The following VWA2 variants were observed in gnomAD, a reference collection of about 807,000 sequenced individuals.
VWA2 encodes the protein von Willebrand factor A domain containing 2, also known as von Willebrand factor A domain-containing protein 2.
A neutral mutation model predicts 70.4 loss-of-function variants in VWA2; 73 were observed. The observed-to-expected ratio is 1.04, with a 90% CI of 0.86 to 1.26. VWA2 has a LOEUF of 1.26. Ranked by LOEUF, VWA2 falls within the 50% of genes most tolerant of loss-of-function variation. The probability of loss-of-function intolerance (pLI) is 0.00; values close to 1 mark genes in which losing one functional copy is unlikely to be tolerated. For missense variants in VWA2, 1,011 were observed against 998.5 expected, an observed-to-expected ratio of 1.01 and a Z score of -0.17; for synonymous variants, 407 against 423.3, an observed-to-expected ratio of 0.96 and a Z score of 0.47.
intron 6 of VWA2, 52 bp downstream of exon 6, chr10:114,272,986 C>A: frequency 6.6e-7 from 1 of 1,505,268 alleles, no homozygotes; most frequent in South Asian, 1.3e-5. Flanking sequence ...GCCTGGGGAT[C>A]GTGACATGGC....
intron 11 of VWA2, 27 bp from the exon 12 acceptor site, chr10:114,288,911 C>T (rs770449464): frequency 6.3e-7 from 1 of 1,578,676 alleles, no homozygotes; most frequent in South Asian, 1.2e-5. Context: ...ACATCCACTG[C>T]TGAAGCCCCT....
At chr10:114,254,825 CCCA>C in intron 3 of VWA2, 87 bp from the exon 4 acceptor site, 1 of 1,538,212 alleles carries the variant, frequency 6.5e-7, no homozygotes, top group Non-Finnish European at 8.8e-7. Context: ...AGCAGCCTGG[CCCA>C]CCACAAGGCT....
chr10:114,266,834 C>G (rs114836130), intron 5 of VWA2, among the ~76,000 whole-genome samples: 1 of 152,196 alleles, frequency 6.6e-6, no homozygotes, highest in Non-Finnish European at 1.5e-5. Flanking sequence ...TCCCCGGCCC[C>G]TTTCAAACCA....
intron 11 of VWA2, among the ~76,000 whole-genome samples, chr10:114,286,851 A>C (rs561028996): frequency 6.6e-6 from 1 of 152,212 alleles, no homozygotes; most frequent in Non-Finnish European, 1.5e-5. Flanking sequence ...GAATCTACTA[A>C]GCAGGCTCCA....
intron 11 of VWA2, among the ~76,000 whole-genome samples, chr10:114,287,324 G>T (rs1249013530): frequency 6.6e-6 from 1 of 152,120 alleles, no homozygotes; most frequent in African/African-American, 2.4e-5. Context: ...AGGACTACAG[G>T]TGCACACCAC....
intron 6 of VWA2, among the ~76,000 whole-genome samples, chr10:114,275,020 G>A (rs905068719): frequency 3.3e-5 from 5 of 152,168 alleles, no homozygotes; most frequent in Admixed American, 6.5e-5. Context: ...TGTGGGAGCC[G>A]AGCAGACAGT....
chr10:114,290,008 AAAG>A, intron 12 of VWA2: 1 of 392,770 alleles, frequency 2.5e-6, no homozygotes, highest in South Asian at 4.8e-5. Context: ...AAAAAAAAAA[AAAG>A]TCTGCCATGT....
chr10:114,241,039 A>C (rs1295417200), intron 1 of VWA2, among the ~76,000 whole-genome samples: 1 of 152,168 alleles, frequency 6.6e-6, no homozygotes, highest in Non-Finnish European at 1.5e-5. Flanking sequence ...TCAGAAGCCC[A>C]TGTTTTTACA....
At chr10:114,269,313 GC>G (rs1392183379) in intron 5 of VWA2, among the ~76,000 whole-genome samples, 2 of 152,148 alleles carry the variant, frequency 1.3e-5, no homozygotes, top group African/African-American at 4.8e-5. Flanking sequence ...AGGCGTGGTG[GC>G]CCACGCCTGT....
chr10:114,277,648 C>A (rs2037877965), intron 6 of VWA2, among the ~76,000 whole-genome samples: 1 of 152,206 alleles, frequency 6.6e-6, no homozygotes, highest in Non-Finnish European at 1.5e-5. Context: ...CTATTGCTGG[C>A]CTTGGAGTTC....
chr10:114,243,211 C>T (rs903727299), intron 1 of VWA2, among the ~76,000 whole-genome samples: 1 of 152,228 alleles, frequency 6.6e-6, no homozygotes. Context: ...GATCTATGCC[C>T]ATCTTCCCAG....
intron 1 of VWA2, among the ~76,000 whole-genome samples, chr10:114,243,035 C>G (rs1341290471): frequency 6.6e-6 from 1 of 152,182 alleles, no homozygotes; most frequent in African/African-American, 2.4e-5. Context: ...GACTTTGGGT[C>G]CTGTGTGTGT....
At chr10:114,267,598 A>ATTTTTTTTTTTT (rs1227410084) in intron 5 of VWA2, among the ~76,000 whole-genome samples, 1 of 136,720 alleles carries the variant, frequency 7.3e-6, no homozygotes. Flanking sequence ...CACCTGGCTA[A>ATTTTTTTTTTTT]TTTTTTTTTT....
chr10:114,269,438 G>C (rs1456963978), intron 5 of VWA2, among the ~76,000 whole-genome samples: 1 of 152,154 alleles, frequency 6.6e-6, no homozygotes, highest in Non-Finnish European at 1.5e-5. Flanking sequence ...AAAATTAGCA[G>C]GGCATGGTGG....
intron 8 of VWA2, 43 bp from the exon 9 acceptor site, chr10:114,282,473 T>C (rs2038273241): frequency 6.5e-7 from 1 of 1,549,680 alleles, no homozygotes; most frequent in Non-Finnish European, 8.9e-7. Flanking sequence ...GCCCTCCCCT[T>C]ACACCTCTGA....
chr10:114,282,601 C>A (rs751683977), intron 9 of VWA2, 30 bp downstream of exon 9: 4 of 1,604,756 alleles, frequency 2.5e-6, no homozygotes, highest in Non-Finnish European at 3.4e-6. Context: ...TTTACAGGTT[C>A]TTTCAGGGCC....
intron 12 of VWA2, 97 bp downstream of exon 12, chr10:114,289,586 G>T: frequency 1.4e-6 from 2 of 1,417,976 alleles, no homozygotes; most frequent in Non-Finnish European, 9.8e-7. Context: ...GCTCTTCCCA[G>T]CTACTGAGCA....
intron 13 of VWA2, among the ~76,000 whole-genome samples, chr10:114,290,766 T>C (rs1277111826): frequency 1.3e-5 from 2 of 151,928 alleles, no homozygotes; most frequent in Admixed American, 1.3e-4. Flanking sequence ...GTAAATGCGG[T>C]GGTGGGAGCT....
chr10:114,274,920 A>C (rs1589762212), intron 6 of VWA2, among the ~76,000 whole-genome samples: 1 of 152,096 alleles, frequency 6.6e-6, no homozygotes, highest in African/African-American at 2.4e-5. Flanking sequence ...CCATCTCCCG[A>C]CATGGGAAAG....
Sources: gnomAD v4.1 joint callset for allele counts (sites outside exome capture counted in the v4.1 genomes callset) on GRCh38, gnomAD v4.1.1 for gene constraint, MANE v1.5 for transcripts, NCBI Gene and HGNC (gene_info 2026-07-23, HGNC 2026-07-21) for gene names.